Variants in NELL1 observed in about 807,000 individuals in gnomAD.
NELL1 encodes protein kinase C-binding protein NELL1.
In NELL1, 76 loss-of-function variants were observed where a neutral mutation model predicts 107.4. The observed-to-expected ratio is 0.71, with a 90% CI of 0.59 to 0.86. The LOEUF is 0.86. NELL1 is among the 40% of genes least tolerant of loss of function. NELL1 has a pLI of 0.00. For synonymous variants in NELL1, 353 were observed against 341.2 expected (o/e 1.03, Z -0.38); for missense variants, 1,024 against 1,005.5 (o/e 1.02, Z -0.25).
At chr11:20,778,784 T>C (rs993284799) in intron 2 of NELL1, among the ~76,000 whole-genome samples, 7 of 152,090 alleles carry the variant, frequency 4.6e-5, no homozygotes, top group Non-Finnish European at 1.0e-4. Flanking sequence ...GGTTACAAAA[T>C]GGAAAGCCTC....
chr11:21,437,580 A>C (rs1172909674), intron 15 of NELL1, among the ~76,000 whole-genome samples: 1 of 152,166 alleles, frequency 6.6e-6, no homozygotes, highest in Admixed American at 6.5e-5. Context: ...TCTGGTCTCG[A>C]ACTCCCGACC....
At chr11:21,569,415 C>A (rs557004345) in intron 17 of NELL1, among the ~76,000 whole-genome samples, 2 of 151,782 alleles carry the variant, frequency 1.3e-5, no homozygotes, top group African/African-American at 2.4e-5. Flanking sequence ...TGCCTCTGCA[C>A]AATGCATGAC....
chr11:21,136,028 G>A (rs2133764816), intron 13 of NELL1, among the ~76,000 whole-genome samples: 1 of 152,272 alleles, frequency 6.6e-6, no homozygotes, highest in East Asian at 1.9e-4. Context: ...TGTTATAAGT[G>A]CTGCGAAGAA....
At chr11:21,220,566 T>C (rs1857730120) in intron 13 of NELL1, among the ~76,000 whole-genome samples, 1 of 152,168 alleles carries the variant, frequency 6.6e-6, no homozygotes, top group Non-Finnish European at 1.5e-5. Flanking sequence ...TGTTTTGTAG[T>C]CTTTATTATA....
intron 2 of NELL1, among the ~76,000 whole-genome samples, chr11:20,696,543 T>A (rs1046867821): frequency 1.4e-4 from 22 of 152,144 alleles, no homozygotes; most frequent in African/African-American, 5.3e-4. Flanking sequence ...AAAAGGGACC[T>A]AATAAATGAT....
intron 12 of NELL1, among the ~76,000 whole-genome samples, chr11:20,974,058 A>G (rs1382543839): frequency 6.6e-6 from 1 of 152,210 alleles, no homozygotes; most frequent in Non-Finnish European, 1.5e-5. Context: ...AATGGAAATG[A>G]GCATTCTCTT....
chr11:21,304,242 T>C (rs930345892), intron 14 of NELL1, among the ~76,000 whole-genome samples: 3 of 152,068 alleles, frequency 2.0e-5, no homozygotes, highest in Admixed American at 1.3e-4. Flanking sequence ...ACTTAGACTA[T>C]TCCACACACT....
At chr11:20,891,507 T>G (rs756199234) in intron 5 of NELL1, among the ~76,000 whole-genome samples, 6 of 152,118 alleles carry the variant, frequency 3.9e-5, no homozygotes, top group Admixed American at 6.5e-5. Flanking sequence ...AATTCACACA[T>G]AACAATACTA....
chr11:21,547,353 G>GA (rs1677977793), intron 16 of NELL1, among the ~76,000 whole-genome samples: 4 of 151,794 alleles, frequency 2.6e-5, no homozygotes, highest in Admixed American at 2.6e-4. Flanking sequence ...TTCCAGTGTA[G>GA]ATGAAGCACG....
In NELL1 at chr11:21,309,287, T is replaced by TATATA. The variant is rs1565160459; in HGVS notation, c.1550-61565_1550-61561dup. 5.5e-4 allele frequency among the ~76,000 whole-genome samples: 61 copies of TATATA among 111,818 alleles called. 1 individual carries two copies. Among genetic ancestry groups the TATATA allele is most frequent in the Non-Finnish European group, 5.2e-4 (29 of 55,890 alleles). 73.4% of individuals were successfully genotyped at this position (111,818 alleles called of 152,430 possible). A position where few individuals can be genotyped will look rare whatever the true frequency, so the allele number is the denominator to read the frequency against. On this transcript the variant is annotated intron_variant, in intron 14 of 19. Coordinates refer to ENST00000357134, the MANE Select transcript of NELL1 (RefSeq NM_006157.5). ...ATATATATATATATATATGTATATA[T>TATATA]ATATATATATATGTATATATATATA...
At chr11:21,035,481 A>T (rs1326321938) in intron 12 of NELL1, among the ~76,000 whole-genome samples, 2 of 151,878 alleles carry the variant, frequency 1.3e-5, no homozygotes, top group African/African-American at 4.8e-5. Flanking sequence ...CTAAAAAAAA[A>T]AAAAAAATAA....
intron 13 of NELL1, among the ~76,000 whole-genome samples, chr11:21,147,740 G>A (rs1856013486): frequency 6.7e-6 from 1 of 148,150 alleles, no homozygotes; most frequent in African/African-American, 2.5e-5. Context: ...GGAGGCTGAG[G>A]CAGGAGAATT....
chr11:20,875,452 C>G (rs1564945396), intron 4 of NELL1, among the ~76,000 whole-genome samples: 1 of 152,058 alleles, frequency 6.6e-6, no homozygotes, highest in South Asian at 2.1e-4. Flanking sequence ...ACCTATAGTC[C>G]CAGCTACTTG....
At chr11:21,412,223 C>A (rs932915564) in intron 15 of NELL1, among the ~76,000 whole-genome samples, 4 of 152,072 alleles carry the variant, frequency 2.6e-5, no homozygotes, top group East Asian at 1.9e-4. Flanking sequence ...ATAAAAAATT[C>A]TGTTAGAGAT....
chr11:21,318,918 G>C (rs114790740), intron 14 of NELL1, among the ~76,000 whole-genome samples: 2,857 of 152,044 alleles, frequency 0.019, 114 homozygotes, highest in African/African-American at 0.066. Context: ...AAATGGCTAG[G>C]CTTTTTGTCC....
intron 14 of NELL1, among the ~76,000 whole-genome samples, chr11:21,244,876 G>C (rs1379300453): frequency 6.6e-6 from 1 of 152,146 alleles, no homozygotes; most frequent in Non-Finnish European, 1.5e-5. Context: ...TCTTGGGCTA[G>C]TCACTTAACT....
At chr11:20,780,217 G>A (rs186237113) in intron 2 of NELL1, among the ~76,000 whole-genome samples, 2 of 152,292 alleles carry the variant, frequency 1.3e-5, no homozygotes, top group East Asian at 3.9e-4. Context: ...GATTGAGTGA[G>A]CAGAAGTTTG....
chr11:21,304,129 T>A (rs901281192), intron 14 of NELL1, among the ~76,000 whole-genome samples: 1 of 152,042 alleles, frequency 6.6e-6, no homozygotes, highest in Non-Finnish European at 1.5e-5. Context: ...CTCATTTAAT[T>A]TTAATTTCTA....
At chr11:21,430,552 G>C (rs943144292) in intron 15 of NELL1, among the ~76,000 whole-genome samples, 5 of 152,038 alleles carry the variant, frequency 3.3e-5, no homozygotes, top group African/African-American at 1.2e-4. Flanking sequence ...GGGAACTATT[G>C]TTTGTTTGTT....
Sources: allele counts gnomAD v4.1 joint callset (sites outside exome capture counted in the v4.1 genomes callset), GRCh38; gene constraint gnomAD v4.1.1; transcripts MANE v1.5; gene names NCBI Gene and HGNC (gene_info 2026-07-23, HGNC 2026-07-21).